Variants in RAPH1 observed in about 807,000 individuals in gnomAD.
RAPH1 encodes ras-associated and pleckstrin homology domains-containing protein 1.
Under a neutral mutation model 88.1 loss-of-function variants are expected in RAPH1, and 18 were observed. The observed-to-expected ratio is 0.20, with a 90% CI of 0.14 to 0.30. The LOEUF (loss-of-function observed/expected upper bound fraction) is 0.30. Ranked by LOEUF, RAPH1 falls within the 10% of genes least tolerant of loss-of-function variation. The probability of loss-of-function intolerance (pLI) is 1.00; values close to 1 mark genes in which losing one functional copy is unlikely to be tolerated. For synonymous variants in RAPH1, 587 were observed against 559.0 expected (o/e 1.05, Z -0.71); for missense variants, 1,448 against 1,543.2 (o/e 0.94, Z 1.03).
At chr2:203,453,401 C>T (rs939655311) in intron 10 of RAPH1, among the ~76,000 whole-genome samples, 1 of 151,820 alleles carries the variant, frequency 6.6e-6, no homozygotes, top group Admixed American at 6.6e-5. Flanking sequence ...CAAAAATTAG[C>T]TGGGTGTGGT....
chr2:203,457,637 A>G, intron 7 of RAPH1, 42 bp from the exon 8 acceptor site: 1 of 1,416,362 alleles, frequency 7.1e-7, no homozygotes, highest in Non-Finnish European at 1.0e-6. Flanking sequence ...GGGAGAGAAA[A>G]AAAGAAGGTT....
intron 1 of RAPH1, among the ~76,000 whole-genome samples, chr2:203,519,243 T>C (rs556124685): frequency 6.6e-6 from 1 of 152,236 alleles, no homozygotes; most frequent in African/African-American, 2.4e-5. Context: ...GCAAAAATCC[T>C]CAACAACATA....
intron 7 of RAPH1, among the ~76,000 whole-genome samples, chr2:203,459,090 C>T (rs750833400): frequency 8.6e-5 from 13 of 152,012 alleles, no homozygotes; most frequent in Non-Finnish European, 1.5e-4. Flanking sequence ...AGGATGGTCT[C>T]GATCTCCTGA....
chr2:203,484,401 G>C (rs942662815), intron 4 of RAPH1, among the ~76,000 whole-genome samples: 16 of 152,186 alleles, frequency 1.1e-4, no homozygotes, highest in Non-Finnish European at 2.1e-4. Context: ...CCTGTGCACT[G>C]TAGGATGTTT....
chr2:203,440,511 CTGT>C lies in RAPH1; in HGVS notation c.2676_2678del (p.Gln893del). The C allele has an allele frequency of 6.5e-7, 1 of 1,533,446 alleles. No individual in the cohort carries two copies. The highest frequency in any genetic ancestry group is 8.8e-7 in the Non-Finnish European group (1 of 1,141,214). 95.0% of individuals were successfully genotyped at this position (1,533,446 alleles called of 1,614,324 possible). A position where few individuals can be genotyped will look rare whatever the true frequency, so the allele number is the denominator to read the frequency against. Reference sequence around the variant, plus strand: ...GCTTTGCTTTTACTGCAGGAGGGGACTGTGGAGCTACATTTGCTGGGACAGGCT... The same window carrying C: ...GCTTTGCTTTTACTGCAGGAGGGGACGGAGCTACATTTGCTGGGACAGGCT... On this transcript the variant is annotated inframe_deletion, in exon 14 of 14. Coordinates refer to ENST00000319170, the MANE Select transcript of RAPH1 (RefSeq NM_213589.3).
At chr2:203,442,447 TAGTG>T (rs1288092131) in intron 13 of RAPH1, 2 of 164,862 alleles carry the variant, frequency 1.2e-5, no homozygotes, top group African/African-American at 4.8e-5. Context: ...ATGCATGGGT[TAGTG>T]AACTAGAAGG....
chr2:203,508,173 G>A (rs1247795856), intron 1 of RAPH1, among the ~76,000 whole-genome samples: 1 of 139,938 alleles, frequency 7.1e-6, no homozygotes, highest in Non-Finnish European at 1.5e-5. Flanking sequence ...AGTGAGCTGA[G>A]ATAGCGCCAC....
intron 4 of RAPH1, among the ~76,000 whole-genome samples, chr2:203,482,958 G>T (rs1390544444): frequency 6.6e-6 from 1 of 152,186 alleles, no homozygotes; most frequent in Non-Finnish European, 1.5e-5. Context: ...ATGTTACACA[G>T]AAGACTGGGG....
rs148751562 is a variant in RAPH1 at position 203,512,969 on chromosome 2, A to G, written c.1-17616T>C. 3.9e-3 allele frequency among the ~76,000 whole-genome samples: 589 copies of G among 152,268 alleles called. 7 individuals carry two copies. The highest frequency in any genetic ancestry group is 0.014 in the African/African-American group (568 of 41,552). On this transcript the variant is annotated intron_variant, in intron 1 of 13. Coordinates refer to ENST00000319170, the MANE Select transcript of RAPH1 (RefSeq NM_213589.3). ...AAATTCTGGTCCATAAGAAATCTCA[A>G]ATAGGTAAATCTTTCATGTTTATGT...
chr2:203,496,378 T>TAAA (rs1383466847), intron 1 of RAPH1, among the ~76,000 whole-genome samples: 1 of 151,580 alleles, frequency 6.6e-6, no homozygotes, highest in African/African-American at 2.4e-5. Context: ...ATAAATAAAA[T>TAAA]AGTGTGATAT....
At chr2:203,475,931 T>C (rs896366232) in intron 4 of RAPH1, among the ~76,000 whole-genome samples, 1 of 152,022 alleles carries the variant, frequency 6.6e-6, no homozygotes, top group Non-Finnish European at 1.5e-5. Context: ...CCTTCATAGG[T>C]GTTGGGGCAT....
At chr2:203,492,983 C>T (rs781552234) in intron 2 of RAPH1, among the ~76,000 whole-genome samples, 1 of 152,130 alleles carries the variant, frequency 6.6e-6, no homozygotes, top group Non-Finnish European at 1.5e-5. Context: ...AAATACCATA[C>T]CACTGAGTAC....
intron 4 of RAPH1, among the ~76,000 whole-genome samples, chr2:203,485,719 T>C (rs749438080): frequency 2.0e-5 from 3 of 152,160 alleles, no homozygotes; most frequent in Admixed American, 1.3e-4. Context: ...GGGGTGGATT[T>C]TGTCCTACAA....
chr2:203,470,859 A>C (rs1224733521), intron 4 of RAPH1, among the ~76,000 whole-genome samples: 1 of 152,266 alleles, frequency 6.6e-6, no homozygotes, highest in East Asian at 1.9e-4. Flanking sequence ...ACCTGTTTTC[A>C]GTAAAACTTT....
chr2:203,435,288 T>C lies in RAPH1; in HGVS notation c.*4149A>G, dbSNP rs2098497550. On this transcript the variant is annotated 3_prime_UTR_variant, in exon 14 of 14. Transcript: ENST00000319170. ...GCTCATGCCTGTAATCTCAGCATTT[T>C]GGGAGGCTGAGGCAGGAAGATCACT... 1 of 151,294 alleles carries C rather than the reference T, an allele frequency of 6.6e-6. No individual in the cohort carries two copies. Among genetic ancestry groups the C allele is most frequent in the South Asian group, 2.1e-4 (1 of 4,782 alleles). 9.4% of individuals were successfully genotyped at this position (151,294 alleles called of 1,614,324 possible).
chr2:203,439,960 G>T lies in RAPH1; in HGVS notation c.3230C>A (p.Pro1077Gln). The change falls in exon 14 of 14, where the codon CCA becomes CAA. Residue 1077 changes from proline (P) to glutamine (Q), a missense_variant. Around this residue, in one of 2 missense-constraint regions of RAPH1, gnomAD observed 935 missense variants for 890.1 expected, o/e 1.05. Coordinates refer to ENST00000319170, the MANE Select transcript of RAPH1 (RefSeq NM_213589.3). ...PPSDSDFPPP[P>Q]PETELPLPPI... is the part of the protein sequence containing the mutation. ...GGGCAGAGGAAGCTCTGTTTCAGGT[G>T]GAGGGGGTGGAAAATCAGAATCGGA... 1 of 1,613,804 alleles carries T rather than the reference G, an allele frequency of 6.2e-7. No homozygotes were observed. The highest frequency in any genetic ancestry group is 8.5e-7 in the Non-Finnish European group (1 of 1,179,998).
intron 1 of RAPH1, among the ~76,000 whole-genome samples, chr2:203,500,039 G>A (rs915927005): frequency 3.9e-5 from 6 of 152,136 alleles, no homozygotes; most frequent in East Asian, 1.9e-4. Context: ...ATGTTCCAAA[G>A]ACACAAGAGA....
intron 7 of RAPH1, among the ~76,000 whole-genome samples, chr2:203,458,909 C>T (rs1461445299): frequency 2.0e-5 from 3 of 152,040 alleles, no homozygotes; most frequent in African/African-American, 7.2e-5. Flanking sequence ...ACTACAGGCG[C>T]CCGACACCAC....
At position 203,439,931 on chromosome 2, in the gene RAPH1, T is replaced by TG. The variant is rs1361576950; in HGVS notation, c.3258dup (p.Ile1087HisfsTer2). The TG allele has an allele frequency of 3.7e-6, 6 of 1,612,956 alleles. No individual in the cohort carries two copies. The highest frequency in any genetic ancestry group is 1.3e-5 in the African/African-American group (1 of 74,582). On this transcript the variant is annotated frameshift_variant, in exon 14 of 14. Coordinates refer to ENST00000319170, the MANE Select transcript of RAPH1 (RefSeq NM_213589.3). LOFTEE classifies it high-confidence loss of function. ...CCCGAGAAAACTGCTGGAATCTCAATGGGGGGCAGAGGAAGCTCTGTTTCA... is the reference window on the plus strand; with the variant it reads ...CCCGAGAAAACTGCTGGAATCTCAATGGGGGGGCAGAGGAAGCTCTGTTTCA...
Sources: gnomAD v4.1 joint callset for allele counts (sites outside exome capture counted in the v4.1 genomes callset) on GRCh38, gnomAD v4.1.1 for gene constraint, gnomAD v4.1.1 regional missense constraint, MANE v1.5 for transcripts, NCBI Gene and HGNC (gene_info 2026-07-23, HGNC 2026-07-21) for gene names.